The following TTC19 variants were observed in gnomAD, a reference collection of about 807,000 sequenced individuals.
The protein encoded by TTC19 is tetratricopeptide repeat domain 19.
TTC19 carries 38 observed loss-of-function variants against 49.5 expected under a neutral mutation model. The ratio of observed to expected loss-of-function variants is 0.77; its 90% confidence interval spans 0.59 to 1.01. TTC19 has a LOEUF of 1.01. Among genes scored for constraint, TTC19 ranks in the 50% least tolerant of loss-of-function variants. TTC19 has a pLI of 0.00. For missense variants in TTC19, 475 were observed against 477.7 expected, an observed-to-expected ratio of 0.99 and a Z score of 0.05; for synonymous variants, 204 against 185.2, an observed-to-expected ratio of 1.10 and a Z score of -0.83.
At chr17:16,033,611 G>A (rs917213088), downstream of TTC19, among the ~76,000 whole-genome samples, 1 of 151,584 alleles carries the variant, frequency 6.6e-6, no homozygotes. Flanking sequence ...AGGAAAAGAT[G>A]GCTTATAATT....
chr17:16,029,325 A>T lies in TTC19; in HGVS notation c.*1803A>T, dbSNP rs1971750727. ...TAAAATAAGGTACTGAAGCAAAAGG[A>T]GGACTGATCTCCTTTACTGATTGGT... is the stretch of plus-strand genomic sequence containing the variant. On this transcript the variant is annotated 3_prime_UTR_variant, in exon 10 of 10. Transcript: ENST00000261647. 3 of 439,630 alleles carry T rather than the reference A, an allele frequency of 6.8e-6. No individual in the cohort carries two copies. The highest frequency in any genetic ancestry group is 5.0e-5 in the South Asian group (3 of 60,526). The allele number at this position is 439,630 out of a possible 1,614,324, so 27.2% of individuals were successfully genotyped here. A position where few individuals can be genotyped will look rare whatever the true frequency, so the allele number is the denominator to read the frequency against.
At chr17:16,024,890 A>G (rs1971499563) in intron 7 of TTC19, 127 bp from the exon 8 acceptor site, 1 of 868,650 alleles carries the variant, frequency 1.2e-6, no homozygotes, top group Non-Finnish European at 2.0e-6. Context: ...GGAATAGGTC[A>G]TTTAACTGGA....
intron 4 of TTC19, among the ~76,000 whole-genome samples, chr17:16,003,113 G>C (rs1029627001): frequency 2.0e-5 from 3 of 152,194 alleles, no homozygotes; most frequent in African/African-American, 7.2e-5. Flanking sequence ...CCAGTCTGCA[G>C]GAAGGGGGAG....
chr17:16,031,577 G>A (rs1241564873), downstream of TTC19: 7 of 219,650 alleles, frequency 3.2e-5, no homozygotes, highest in Non-Finnish European at 6.4e-5. Flanking sequence ...TACCCATGCA[G>A]TAATATTTTT....
intron 2 of TTC19, chr17:16,000,475 A>G: frequency 7.8e-7 from 1 of 1,283,372 alleles, no homozygotes; most frequent in Non-Finnish European, 1.0e-6. Context: ...GCAAATGGAG[A>G]TGGCGCCCTA....
intron 2 of TTC19, 53 bp downstream of exon 2, chr17:16,000,298 G>C (rs1970681197): frequency 6.3e-6 from 10 of 1,586,868 alleles, no homozygotes; most frequent in Non-Finnish European, 8.5e-6. Flanking sequence ...CTTTGTGAGC[G>C]GGGTCTTGGC....
downstream of TTC19, chr17:16,030,793 T>C (rs369839389): frequency 1.7e-4 from 31 of 182,250 alleles, 2 homozygotes; most frequent in African/African-American, 7.0e-4. Flanking sequence ...ATCTGTAACA[T>C]AGGGATTAGA....
At chr17:16,037,373 T>C (rs548005988) in intron 2 of TTC19, among the ~76,000 whole-genome samples, 6 of 151,996 alleles carry the variant, frequency 3.9e-5, no homozygotes, top group Non-Finnish European at 5.9e-5. Context: ...ATAATGCTGA[T>C]AGACTTGCTT....
At position 15,999,866 on chromosome 17, in the gene TTC19, C is replaced by A; in HGVS notation, c.18C>A (p.Ser6Arg). Reference protein sequence around the residue: MFRLLSWSLGRGFLRA... With the variant: MFRLLRWSLGRGFLRA... Reference sequence around the variant, plus strand: ...GCGGGAGCATGTTCCGGCTCCTGAGCTGGAGCCTGGGCCGAGGCTTCCTGC... The same window carrying A: ...GCGGGAGCATGTTCCGGCTCCTGAGATGGAGCCTGGGCCGAGGCTTCCTGC... The change falls in exon 1 of 10, where the codon AGC (serine) becomes AGA (arginine). Residue 6 changes from serine to arginine, a missense_variant. By Grantham distance (110) the Ser-to-Arg change is moderately radical. Transcript: ENST00000261647. The A allele has an allele frequency of 2.0e-6, 3 of 1,493,990 alleles. No homozygotes were observed. The South Asian group carries it at 3.8e-5, about 19-fold the overall frequency. The allele number at this position is 1,493,990 out of a possible 1,614,324, so 92.5% of individuals were successfully genotyped here. A position where few individuals can be genotyped will look rare whatever the true frequency, so the allele number is the denominator to read the frequency against.
At chr17:16,014,978 G>A (rs1165587417) in intron 7 of TTC19, among the ~76,000 whole-genome samples, 1 of 152,148 alleles carries the variant, frequency 6.6e-6, no homozygotes, top group Non-Finnish European at 1.5e-5. Context: ...TAATTGCTTA[G>A]TACCTGTGTA....
intron 2 of TTC19, among the ~76,000 whole-genome samples, chr17:16,035,740 C>T (rs2056220736): frequency 1.3e-5 from 2 of 152,016 alleles, no homozygotes; most frequent in South Asian, 4.2e-4. Flanking sequence ...TGGGGTCTCA[C>T]CATGTTGCCC....
At chr17:16,007,132 G>A (rs904930238) in intron 7 of TTC19, among the ~76,000 whole-genome samples, 1 of 152,106 alleles carries the variant, frequency 6.6e-6, no homozygotes, top group Non-Finnish European at 1.5e-5. Flanking sequence ...CTACCGAGAT[G>A]GTAGGGATAC....
chr17:16,002,848 G>A lies in TTC19; in HGVS notation c.462+17G>A. On this transcript the variant is annotated intron_variant, in intron 4 of 9. Transcript: ENST00000261647. ...CTTGAAAATGTAAGTAAATTGCTTT[G>A]TAATATCTTGAATTTATGAAGGAGT... The A allele has an allele frequency of 6.2e-7, 1 of 1,612,910 alleles. No individual in the cohort carries two copies. The highest frequency in any genetic ancestry group is 8.5e-7 in the Non-Finnish European group (1 of 1,178,990).
chr17:15,999,853 TCCGGCTCCTGAGCTGGAGCCTGGG>T lies in TTC19; in HGVS notation c.9_32del (p.Leu4_Arg11del), dbSNP rs762788585. 1 of 1,517,416 alleles carries T rather than the reference TCCGGCTCCTGAGCTGGAGCCTGGG, an allele frequency of 6.6e-7. No individual in the cohort carries two copies. The highest frequency in any genetic ancestry group is 8.8e-7 in the Non-Finnish European group (1 of 1,140,160). The allele number at this position is 1,517,416 out of a possible 1,614,324, so 94.0% of individuals were successfully genotyped here. On this transcript the variant is annotated inframe_deletion, in exon 1 of 10. Transcript: ENST00000261647. ...CGCAGAGGACGCGGCGGGAGCATGTTCCGGCTCCTGAGCTGGAGCCTGGGCCGAGGCTTCCTGCGGGCCGCGGGG... is the reference window on the plus strand; with the variant it reads ...CGCAGAGGACGCGGCGGGAGCATGTTCCGAGGCTTCCTGCGGGCCGCGGGG...
intron 7 of TTC19, among the ~76,000 whole-genome samples, chr17:16,017,506 T>C (rs1971251979): frequency 6.9e-6 from 1 of 145,506 alleles, no homozygotes; most frequent in South Asian, 2.2e-4. Flanking sequence ...ACGCCTGTAA[T>C]CCCAGCACTT....
At chr17:16,040,056 C>T (rs557606371) in intron 2 of TTC19, 3 of 421,690 alleles carry the variant, frequency 7.1e-6, no homozygotes, top group African/African-American at 2.0e-5. Flanking sequence ...TCCCAAAGTG[C>T]TGGGATTACA....
intron 2 of TTC19, among the ~76,000 whole-genome samples, chr17:16,043,386 T>C (rs1597737883): frequency 6.6e-6 from 1 of 151,976 alleles, no homozygotes; most frequent in Non-Finnish European, 1.5e-5. Flanking sequence ...CTTTCCACCA[T>C]GAAAAATAGT....
chr17:16,032,797 C>G (rs906430604), downstream of TTC19, among the ~76,000 whole-genome samples: 11 of 152,220 alleles, frequency 7.2e-5, no homozygotes, highest in Non-Finnish European at 1.3e-4. Context: ...TGGAGAATCA[C>G]AGAGTCAGGT....
chr17:16,029,605 G>A (rs2151704391), downstream of TTC19: 1 of 180,176 alleles, frequency 5.6e-6, no homozygotes, highest in African/African-American at 2.4e-5. Flanking sequence ...TATAGTGTCA[G>A]AACACTGAAA....
Sources: gnomAD v4.1 joint callset for allele counts (sites outside exome capture counted in the v4.1 genomes callset) on GRCh38, gnomAD v4.1.1 for gene constraint, MANE v1.5 for transcripts, NCBI Gene and HGNC (gene_info 2026-07-23, HGNC 2026-07-21) for gene names.